Variants in CFAP54 observed in about 807,000 individuals in gnomAD.
CFAP54 encodes the protein cilia- and flagella-associated protein 54.
CFAP54 carries 290 observed loss-of-function variants against 370.4 expected under a neutral mutation model. The observed-to-expected ratio is 0.78, with a 90% CI of 0.71 to 0.86. The LOEUF is 0.86. CFAP54 is among the 40% of genes least tolerant of loss of function. CFAP54 has a pLI of 0.00. For missense variants in CFAP54, 3,399 were observed against 3,528.7 expected (o/e 0.96, Z 0.93); for synonymous variants, 1,206 against 1,236.5 (o/e 0.98, Z 0.52).
chr12:96,621,967 C>G (rs1956500856), intron 27 of CFAP54, among the ~76,000 whole-genome samples: 1 of 142,606 alleles, frequency 7.0e-6, no homozygotes, highest in Non-Finnish European at 1.5e-5. Context: ...GTCCCCATCA[C>G]CAGTCCCGAC....
At position 96,870,223 on chromosome 12, in the gene CFAP54, C is replaced by T. The variant is rs887996251; in HGVS notation, c.*15-4895C>T. ...TTGCAGTGAGCCGAGATCGCACCAC[C>T]GCACTCCAGCCTGGCGACAGAGTGA... is the stretch of plus-strand genomic sequence containing the variant. On this transcript the variant is annotated intron_variant, in intron 67 of 67. Transcript: ENST00000524981. Among the ~76,000 whole-genome samples, 14 of 151,410 alleles carry T rather than the reference C, an allele frequency of 9.2e-5. 1 individual carries two copies. Among genetic ancestry groups the T allele is most frequent in the East Asian group, 7.8e-4 (4 of 5,148 alleles).
chr12:96,513,991 G>A (rs1955203160), intron 5 of CFAP54, among the ~76,000 whole-genome samples: 2 of 152,296 alleles, frequency 1.3e-5, no homozygotes, highest in South Asian at 2.1e-4. Context: ...TTAGCTTGAG[G>A]AAGTTGCTGA....
At chr12:96,519,122 G>A in intron 6 of CFAP54, 51 bp downstream of exon 6, 3 of 1,459,798 alleles carry the variant, frequency 2.1e-6, no homozygotes, top group Non-Finnish European at 2.7e-6. Context: ...TTTTTGAGAT[G>A]GAATCTGGCT....
At chr12:96,609,496 T>C (rs1956332750) in intron 26 of CFAP54, among the ~76,000 whole-genome samples, 1 of 152,166 alleles carries the variant, frequency 6.6e-6, no homozygotes, top group African/African-American at 2.4e-5. Context: ...AATGGCAATT[T>C]TCTGGAGCCA....
intron 58 of CFAP54, among the ~76,000 whole-genome samples, chr12:96,762,377 T>A (rs575427342): frequency 2.6e-5 from 4 of 152,358 alleles, no homozygotes; most frequent in Non-Finnish European, 4.4e-5. Flanking sequence ...GACACTTTAC[T>A]TCTTCACTTC....
intron 44 of CFAP54, among the ~76,000 whole-genome samples, chr12:96,692,341 C>T (rs949133029): frequency 4.6e-5 from 7 of 152,060 alleles, no homozygotes; most frequent in African/African-American, 1.7e-4. Context: ...CCTGGGTAAC[C>T]TTTAGCTGCC....
chr12:96,605,279 C>T (rs2136448866), intron 26 of CFAP54, among the ~76,000 whole-genome samples: 1 of 152,248 alleles, frequency 6.6e-6, no homozygotes, highest in Middle Eastern at 3.4e-3. Flanking sequence ...AGTATCTTAA[C>T]CCAGCCATTG....
intron 56 of CFAP54, among the ~76,000 whole-genome samples, chr12:96,754,429 T>C (rs1347359935): frequency 6.6e-6 from 1 of 152,208 alleles, no homozygotes; most frequent in Non-Finnish European, 1.5e-5. Flanking sequence ...AGTGCTATCA[T>C]TTACTGAGTA....
intron 15 of CFAP54, among the ~76,000 whole-genome samples, chr12:96,549,097 G>C (rs1955669129): frequency 1.3e-5 from 2 of 152,092 alleles, no homozygotes; most frequent in Admixed American, 6.5e-5. Flanking sequence ...CTCGTGATCT[G>C]CCCACCTCGG....
chr12:96,630,052 T>A (rs1486356079), intron 30 of CFAP54, 41 bp from the exon 31 acceptor site: 2 of 1,050,702 alleles, frequency 1.9e-6, no homozygotes, highest in African/African-American at 1.6e-5. Flanking sequence ...GTTCTGCAAA[T>A]TTTTGCAGGT....
At chr12:96,794,480 C>T (rs1204534712) in intron 63 of CFAP54, among the ~76,000 whole-genome samples, 2 of 150,422 alleles carry the variant, frequency 1.3e-5, no homozygotes, top group African/African-American at 4.9e-5. Flanking sequence ...AATTTGAAAG[C>T]CTTGTCTTTG....
Sources: allele counts gnomAD v4.1 joint callset (sites outside exome capture counted in the v4.1 genomes callset), GRCh38; gene constraint gnomAD v4.1.1; transcripts MANE v1.5; gene names NCBI Gene and HGNC (gene_info 2026-07-23, HGNC 2026-07-21).